STAC: variants seen among roughly 807,000 people sequenced by gnomAD.
The protein encoded by STAC is SH3 and cysteine rich domain.
STAC carries 43 observed loss-of-function variants against 48.8 expected under a neutral mutation model. The observed-to-expected ratio is 0.88, with a 90% CI of 0.69 to 1.14. The LOEUF is 1.14. Ranked by LOEUF, STAC falls within the 50% of genes most tolerant of loss-of-function variation. The probability of loss-of-function intolerance (pLI) is 0.00; values close to 1 mark genes in which losing one functional copy is unlikely to be tolerated. For missense variants in STAC, 497 were observed against 504.0 expected (o/e 0.99, Z 0.13); for synonymous variants, 193 against 179.5 (o/e 1.07, Z -0.60).
chr3:36,396,495 G>A (rs1699860724), intron 1 of STAC, among the ~76,000 whole-genome samples: 1 of 151,962 alleles, frequency 6.6e-6, no homozygotes, highest in African/African-American at 2.4e-5. Flanking sequence ...CATATTTTAG[G>A]GGAAATTAGT....
chr3:36,530,249 T>A (rs1490421823), intron 10 of STAC, among the ~76,000 whole-genome samples: 1 of 152,230 alleles, frequency 6.6e-6, no homozygotes, highest in Non-Finnish European at 1.5e-5. Context: ...ATTTTATTAT[T>A]TCCCAAGGTA....
intron 1 of STAC, among the ~76,000 whole-genome samples, chr3:36,441,490 T>C (rs376246118): frequency 5.9e-5 from 9 of 152,322 alleles, no homozygotes; most frequent in African/African-American, 2.2e-4. Flanking sequence ...TATCCATTCA[T>C]TGTGTTGTTG....
intron 8 of STAC, among the ~76,000 whole-genome samples, chr3:36,525,195 A>G (rs758695067): frequency 1.3e-5 from 2 of 152,310 alleles, no homozygotes; most frequent in Non-Finnish European, 2.9e-5. Context: ...CCCACATTCT[A>G]TAAATATTTG....
chr3:36,397,834 G>A (rs780107566), intron 1 of STAC, among the ~76,000 whole-genome samples: 8 of 151,752 alleles, frequency 5.3e-5, no homozygotes, highest in Admixed American at 3.9e-4. Context: ...TTCTTTGTTC[G>A]TTCTTGTGGT....
chr3:36,522,985 A>G (rs377664407), intron 8 of STAC, among the ~76,000 whole-genome samples: 1 of 152,318 alleles, frequency 6.6e-6, no homozygotes, highest in African/African-American at 2.4e-5. Flanking sequence ...CTTTGTGTAC[A>G]CTGAGTCCCT....
rs1415202085 is a variant in STAC, at chr3:36,443,255, G to A, written c.112-109G>A. 7.6e-7 allele frequency: 1 copy of A among 1,312,504 alleles called. No homozygotes were observed. Among genetic ancestry groups the A allele is most frequent in the South Asian group, 1.4e-5 (1 of 72,408 alleles). 81.3% of individuals were successfully genotyped at this position (1,312,504 alleles called of 1,614,324 possible). A position where few individuals can be genotyped will look rare whatever the true frequency, so the allele number is the denominator to read the frequency against. On this transcript the variant is annotated intron_variant, in intron 1 of 10. Coordinates refer to ENST00000273183, the MANE Select transcript of STAC (RefSeq NM_003149.3). The surrounding 1 kb of genome is among the most constrained non-coding windows in gnomAD (Gnocchi z 4.2). ...GACATTTATGAGCCTCCTCAAGACG[G>A]AGGGTGTCAGTGGGGACTGTGTAGT...
intron 1 of STAC, among the ~76,000 whole-genome samples, chr3:36,396,454 C>A (rs900801835): frequency 2.0e-5 from 3 of 152,090 alleles, no homozygotes; most frequent in Non-Finnish European, 4.4e-5. Flanking sequence ...TACTACTATA[C>A]AAAGTTAGTC....
chr3:36,460,369 C>G (rs180999802), intron 2 of STAC, among the ~76,000 whole-genome samples: 4 of 152,124 alleles, frequency 2.6e-5, no homozygotes, highest in Admixed American at 1.3e-4. Flanking sequence ...TTCAGATAAA[C>G]GACAAATTTT....
intron 1 of STAC, among the ~76,000 whole-genome samples, chr3:36,431,187 T>A (rs899896405): frequency 2.6e-5 from 4 of 151,952 alleles, no homozygotes; most frequent in African/African-American, 9.7e-5. Flanking sequence ...CTCTCAACAG[T>A]TTTTCTACCT....
intron 1 of STAC, among the ~76,000 whole-genome samples, chr3:36,418,147 G>A (rs538186149): frequency 3.3e-5 from 5 of 150,840 alleles, no homozygotes; most frequent in East Asian, 2.0e-4. Context: ...ATGATTTTTC[G>A]GTATCTCTCC....
chr3:36,517,729 T>C (rs574425877), intron 8 of STAC, among the ~76,000 whole-genome samples: 2 of 152,270 alleles, frequency 1.3e-5, no homozygotes, highest in Admixed American at 6.5e-5. Flanking sequence ...ATCAGCACTG[T>C]TGTCATTATT....
chr3:36,385,671 A>G (rs1016544903), intron 1 of STAC, among the ~76,000 whole-genome samples: 1 of 152,100 alleles, frequency 6.6e-6, no homozygotes, highest in African/African-American at 2.4e-5. Flanking sequence ...TCTAATCACT[A>G]ACCTCCTAAA....
chr3:36,442,853 G>T (rs1282682067), intron 1 of STAC, among the ~76,000 whole-genome samples: 1 of 151,084 alleles, frequency 6.6e-6, no homozygotes, highest in Non-Finnish European at 1.5e-5. Flanking sequence ...AGAGTTCCTG[G>T]TTTGTGTCCT....
chr3:36,467,725 C>G (rs530646727), intron 2 of STAC, among the ~76,000 whole-genome samples: 51 of 151,946 alleles, frequency 3.4e-4, no homozygotes, highest in Middle Eastern at 3.4e-3. Flanking sequence ...TTATTTGGAT[C>G]TTTTTTCTTG....
Position 36,546,242 on chromosome 3 carries a change from G to T in STAC, c.1162G>T (p.Gly388Ter). 1 of 1,614,008 alleles carries T rather than the reference G, an allele frequency of 6.2e-7. No individual in the cohort carries two copies. The highest frequency in any genetic ancestry group is 1.3e-5 in the African/African-American group (1 of 75,002). ...EQDGFIRVLS[G>*]KKKGLIPLDV... The stretch of plus-strand genomic sequence containing the variant: ...AGATGGTTTTATCAGAGTCCTCAGT[G>T]GAAAAAAGAAAGGCCTCATCCCCCT... Residue 388 changes from glycine (G) to a stop codon, truncating the protein, a stop_gained, in exon 11 of 11, where the codon GGA (glycine) becomes TGA (stop). Transcript: ENST00000273183. LOFTEE classifies it high-confidence loss of function.
At chr3:36,480,521 C>T (rs577613102) in intron 2 of STAC, among the ~76,000 whole-genome samples, 4 of 152,186 alleles carry the variant, frequency 2.6e-5, no homozygotes, top group South Asian at 4.2e-4. Flanking sequence ...GTTCTTACCC[C>T]CCCTTATTTT....
At chr3:36,498,354 A>C (rs1207879215) in intron 6 of STAC, among the ~76,000 whole-genome samples, 1 of 152,206 alleles carries the variant, frequency 6.6e-6, no homozygotes, top group East Asian at 1.9e-4. Flanking sequence ...AAGAAATGTT[A>C]GGGTATAGTT....
At chr3:36,391,092 T>C (rs1699743707) in intron 1 of STAC, among the ~76,000 whole-genome samples, 1 of 152,198 alleles carries the variant, frequency 6.6e-6, no homozygotes, top group African/African-American at 2.4e-5. Context: ...CCCTCTTTTA[T>C]ACTTCTCTAT....
At position 36,443,749 on chromosome 3, in the gene STAC, T is replaced by G; in HGVS notation, c.388+109T>G. The G allele has an allele frequency of 1.4e-6, 2 of 1,388,066 alleles. No individual in the cohort carries two copies. Among genetic ancestry groups the G allele is most frequent in the East Asian group, 4.6e-5 (2 of 43,470 alleles). The allele number at this position is 1,388,066 out of a possible 1,614,324, so 86.0% of individuals were successfully genotyped here. A position where few individuals can be genotyped will look rare whatever the true frequency, so the allele number is the denominator to read the frequency against. On this transcript the variant is annotated intron_variant, in intron 2 of 10. Coordinates refer to ENST00000273183, the MANE Select transcript of STAC (RefSeq NM_003149.3). This position sits in a 1 kb window ranked among gnomAD's most constrained non-coding sequence, Gnocchi z 4.2. ...CGGACAGATGCTAGGCCTCAGAGAT[T>G]TACATGTGGGAAGATCATTCAGGAG... is the stretch of plus-strand genomic sequence containing the variant.
Sources: allele counts gnomAD v4.1 joint callset (sites outside exome capture counted in the v4.1 genomes callset), GRCh38; gene constraint gnomAD v4.1.1; non-coding constraint Gnocchi (gnomAD v3.1); transcripts MANE v1.5; gene names NCBI Gene and HGNC (gene_info 2026-07-23, HGNC 2026-07-21).